RUFY4: variants seen among roughly 807,000 people sequenced by gnomAD.
RUFY4 encodes RUN and FYVE domain-containing protein 4.
A neutral mutation model predicts 69.0 loss-of-function variants in RUFY4; 73 were observed. The ratio of observed to expected loss-of-function variants is 1.06; its 90% confidence interval spans 0.88 to 1.29. The LOEUF is 1.29. Among genes scored for constraint, RUFY4 ranks in the 50% most tolerant of loss-of-function variants. The pLI is 0.00. For missense variants in RUFY4, 770 were observed against 705.6 expected (o/e 1.09, Z -1.03); for synonymous variants, 287 against 271.8 (o/e 1.06, Z -0.55).
chr2:218,084,222 G>C (rs1343492677), intron 9 of RUFY4, among the ~76,000 whole-genome samples: 1 of 151,870 alleles, frequency 6.6e-6, no homozygotes, highest in African/African-American at 2.4e-5. Flanking sequence ...GGTTGCTAAG[G>C]GTTTTTTGTT....
At chr2:218,049,739 C>T (rs2106030624) in intron 2 of RUFY4, among the ~76,000 whole-genome samples, 1 of 152,198 alleles carries the variant, frequency 6.6e-6, no homozygotes, top group Middle Eastern at 3.4e-3. Context: ...AACTCCTGAC[C>T]TCAGGTGATC....
intron 8 of RUFY4, among the ~76,000 whole-genome samples, chr2:218,082,007 T>G (rs115356427): frequency 0.026 from 4,021 of 152,318 alleles, 182 homozygotes; most frequent in African/African-American, 0.091. Flanking sequence ...GCGCTGGGAC[T>G]CTCACGCATG....
At chr2:218,072,639 C>T (rs1689516224) in intron 3 of RUFY4, 140 bp downstream of exon 5, 1 of 1,352,904 alleles carries the variant, frequency 7.4e-7, no homozygotes, top group Non-Finnish European at 9.9e-7. Flanking sequence ...AGCACCCCTC[C>T]AGACACCCTT....
At chr2:218,061,165 GA>G in intron 3 of RUFY4, 1 of 426,238 alleles carries the variant, frequency 2.3e-6, no homozygotes, top group Non-Finnish European at 4.7e-6. Flanking sequence ...TCAGCAGGTA[GA>G]CATCGGTGAC....
At chr2:218,070,356 GCA>G (rs2106046788), upstream of RUFY4, 2 of 566,008 alleles carry the variant, frequency 3.5e-6, no homozygotes, top group South Asian at 3.9e-5. Flanking sequence ...TCAAGTGTTA[GCA>G]CAGTGTCGTC....
chr2:218,086,547 G>T (rs1189799537), intron 9 of RUFY4, among the ~76,000 whole-genome samples: 1 of 152,200 alleles, frequency 6.6e-6, no homozygotes, highest in African/African-American at 2.4e-5. Flanking sequence ...ACTGACTTTT[G>T]CCCTAGAATC....
chr2:218,072,730 G>A lies in RUFY4; in HGVS notation c.280-49G>A, dbSNP rs55794480. ...TCCCCTCTCTCTGTGTTACCTGGGC[G>A]CCCTTTGTCCTAATACTGCTCCCCA... is the stretch of plus-strand genomic sequence containing the variant. On this transcript the variant is annotated intron_variant, in intron 3 of 10. Transcript: ENST00000344321. 10,274 of 1,398,974 alleles carry A rather than the reference G, an allele frequency of 7.3e-3. 221 individuals carry two copies. In the African/African-American group the frequency reaches 0.074, roughly 10 times the overall value. The allele number at this position is 1,398,974 out of a possible 1,614,324, so 86.7% of individuals were successfully genotyped here.
chr2:218,088,218 G>T (rs1013155540), intron 9 of RUFY4, among the ~76,000 whole-genome samples: 1 of 152,114 alleles, frequency 6.6e-6, no homozygotes, highest in Non-Finnish European at 1.5e-5. Flanking sequence ...TGAAGGTGGG[G>T]AATGGTGGTT....
chr2:218,047,068 T>C (rs1003253678), intron 2 of RUFY4, among the ~76,000 whole-genome samples: 5 of 149,906 alleles, frequency 3.3e-5, no homozygotes, highest in Non-Finnish European at 7.4e-5. Context: ...AAAGTTTAGC[T>C]CTTTTAGTAT....
intron 3 of RUFY4, 98 bp from the exon 6 acceptor site, chr2:218,072,681 C>T (rs1334141625): frequency 1.5e-6 from 2 of 1,293,590 alleles, no homozygotes; most frequent in Admixed American, 2.6e-5. Context: ...CCCCTGCACC[C>T]TTCCCATTGC....
At chr2:218,072,567 C>A in intron 3 of RUFY4, 68 bp downstream of exon 5, 5 of 1,517,778 alleles carry the variant, frequency 3.3e-6, no homozygotes, top group Non-Finnish European at 4.4e-6. Context: ...CCTTTTCCCC[C>A]ACCCTGCTCT....
At chr2:218,060,079 T>TTAA in intron 3 of RUFY4, 4 of 274,194 alleles carry the variant, frequency 1.5e-5, no homozygotes, top group South Asian at 1.4e-4. Flanking sequence ...TCTTAGAACA[T>TTAA]AGAGTGCCAT....
At chr2:218,037,264 G>T (rs1374627670) in intron 2 of RUFY4, among the ~76,000 whole-genome samples, 2 of 151,640 alleles carry the variant, frequency 1.3e-5, no homozygotes, top group South Asian at 4.1e-4. Context: ...AGGTTGCAGT[G>T]AGTGGAGATA....
chr2:218,083,077 C>T, intron 8 of RUFY4, 33 bp from the exon 11 acceptor site: 4 of 1,556,470 alleles, frequency 2.6e-6, no homozygotes, highest in Non-Finnish European at 3.5e-6. Context: ...TGAGCTTTGC[C>T]CCCTGAGAAC....
At chr2:218,075,456 G>T in exon 7 of RUFY4, 1 of 1,609,150 alleles carries the variant, frequency 6.2e-7, no homozygotes, top group Non-Finnish European at 8.5e-7. Flanking sequence ...GGTTCTGCTG[G>T]TTGCAGAGGG....
At chr2:218,050,472 CT>C (rs1688918208) in intron 2 of RUFY4, among the ~76,000 whole-genome samples, 1 of 152,168 alleles carries the variant, frequency 6.6e-6, no homozygotes, top group African/African-American at 2.4e-5. Context: ...ACACTCCTGG[CT>C]AGCTCACCAA....
At chr2:218,039,173 T>G (rs1449936068) in intron 2 of RUFY4, among the ~76,000 whole-genome samples, 1 of 152,002 alleles carries the variant, frequency 6.6e-6, no homozygotes, top group Non-Finnish European at 1.5e-5. Flanking sequence ...AGCAGGAGAG[T>G]ATGATCTACC....
exon 7 of RUFY4, chr2:218,075,405 A>C (rs751186452): frequency 1.9e-6 from 3 of 1,613,042 alleles, no homozygotes; most frequent in Middle Eastern, 1.7e-4. Context: ...GGCTATGGGC[A>C]CTCAGAAGGA....
intron 3 of RUFY4, among the ~76,000 whole-genome samples, chr2:218,062,405 CAA>C (rs58667428): frequency 3.0e-5 from 3 of 101,326 alleles, no homozygotes; most frequent in Non-Finnish European, 4.2e-5. Context: ...GACTCCGTCT[CAA>C]AAAAAAAAAA....
Sources: gnomAD v4.1 joint callset for allele counts (sites outside exome capture counted in the v4.1 genomes callset) on GRCh38, gnomAD v4.1.1 for gene constraint, MANE v1.5 for transcripts, NCBI Gene and HGNC (gene_info 2026-07-23, HGNC 2026-07-21) for gene names.